The following TRDN variants were observed in gnomAD, a reference collection of about 807,000 sequenced individuals.
TRDN encodes triadin in skeletal muscle.
Under a neutral mutation model 149.7 loss-of-function variants are expected in TRDN, and 161 were observed. The observed-to-expected ratio is 1.08, with a 90% CI of 0.95 to 1.23. TRDN has a LOEUF of 1.23. TRDN is among the 50% of genes most tolerant of loss of function. The probability of loss-of-function intolerance (pLI) is 0.00; values close to 1 mark genes in which losing one functional copy is unlikely to be tolerated. For missense variants in TRDN, 896 were observed against 823.5 expected (o/e 1.09, Z -1.08); for synonymous variants, 294 against 250.5 (o/e 1.17, Z -1.64).
chr6:123,231,743 G>T lies in TRDN; in HGVS notation c.1976-7612C>A, dbSNP rs74319935. 2.0e-5 allele frequency among the ~76,000 whole-genome samples: 3 copies of T among 152,134 alleles called. No homozygotes were observed. In the South Asian group the frequency reaches 6.2e-4, roughly 32 times the overall value. The stretch of plus-strand genomic sequence containing the variant: ...AGAATGACAAGTCAGAAAAGGGCCT[G>T]CTGGGGAGTGAATGCAATGGTTTAG... On this transcript the variant is annotated intron_variant, in intron 38 of 40. Transcript: ENST00000334268.
At chr6:123,399,067 G>A (rs981189255) in intron 12 of TRDN, among the ~76,000 whole-genome samples, 15 of 151,860 alleles carry the variant, frequency 9.9e-5, no homozygotes, top group African/African-American at 3.1e-4. Flanking sequence ...ATTATTTCAC[G>A]GCTACTAAAA....
At chr6:123,306,591 T>C (rs1456119801) in intron 24 of TRDN, among the ~76,000 whole-genome samples, 2 of 152,128 alleles carry the variant, frequency 1.3e-5, no homozygotes, top group Admixed American at 6.6e-5. Flanking sequence ...ACCAGTTTTA[T>C]CTATAGCTTC....
Position 123,503,879 on chromosome 6 carries a change from T to C in TRDN, c.633A>G (p.Ala211=). The change falls in exon 8 of 41, where the codon GCA becomes GCG. Residue 211 remains alanine (A), a synonymous_variant. Coordinates refer to ENST00000334268, the MANE Select transcript of TRDN (RefSeq NM_006073.4). ...TTTTAGTCTTTTCTTCACTCTTTTC[T>C]GCAGTCTTAGCTTTCTTCTGTTCTG... is the stretch of plus-strand genomic sequence containing the variant. ...LAKEQKKAKT[A]EKSEEKTKKE... 2 of 1,571,874 alleles carry C rather than the reference T, an allele frequency of 1.3e-6. No homozygotes were observed. Among genetic ancestry groups the C allele is most frequent in the East Asian group, 2.3e-5 (1 of 43,362 alleles).
chr6:123,585,162 G>T (rs1216480211), intron 1 of TRDN, among the ~76,000 whole-genome samples: 1 of 149,310 alleles, frequency 6.7e-6, no homozygotes, highest in Non-Finnish European at 1.5e-5. Flanking sequence ...TACAAGAGGA[G>T]CACGCAAAGG....
intron 11 of TRDN, among the ~76,000 whole-genome samples, 169 bp from the exon 12 acceptor site, chr6:123,438,291 T>C (rs1774685422): frequency 6.6e-6 from 1 of 152,022 alleles, no homozygotes. Context: ...AACAGACTAG[T>C]GGCTTAGGTA....
chr6:123,512,418 T>C, intron 6 of TRDN, 56 bp from the exon 7 acceptor site: 1 of 1,093,694 alleles, frequency 9.1e-7, no homozygotes, highest in Non-Finnish European at 1.3e-6. Context: ...AAAACCAAGC[T>C]TTCTTTTGAC....
chr6:123,617,797 G>T (rs541045133), intron 1 of TRDN, among the ~76,000 whole-genome samples: 5 of 152,228 alleles, frequency 3.3e-5, no homozygotes, highest in Non-Finnish European at 5.9e-5. Context: ...GGAGTGAAGT[G>T]GTGCGATGTT....
intron 23 of TRDN, among the ~76,000 whole-genome samples, chr6:123,328,328 G>A (rs963261829): frequency 6.6e-6 from 1 of 152,166 alleles, no homozygotes; most frequent in African/African-American, 2.4e-5. Context: ...TTGGAACCAT[G>A]TACTGAAGAT....
At chr6:123,635,130 A>G (rs1418424491) in intron 1 of TRDN, among the ~76,000 whole-genome samples, 1 of 152,030 alleles carries the variant, frequency 6.6e-6, no homozygotes, top group East Asian at 1.9e-4. Context: ...GAAGATTAAG[A>G]CGCTCGTAGC....
At chr6:123,594,384 C>A (rs1436318591) in intron 1 of TRDN, among the ~76,000 whole-genome samples, 1 of 151,946 alleles carries the variant, frequency 6.6e-6, no homozygotes, top group Non-Finnish European at 1.5e-5. Context: ...TAATCCAGAC[C>A]AAGGCACTAA....
chr6:123,416,067 T>G (rs369185348), intron 12 of TRDN, among the ~76,000 whole-genome samples: 35 of 152,316 alleles, frequency 2.3e-4, no homozygotes, highest in African/African-American at 6.5e-4. Context: ...TATCCTTTTC[T>G]GAAGAGAATT....
At chr6:123,610,836 C>A (rs1784771217) in intron 1 of TRDN, among the ~76,000 whole-genome samples, 1 of 152,058 alleles carries the variant, frequency 6.6e-6, no homozygotes, top group African/African-American at 2.4e-5. Flanking sequence ...TATTTGAGCA[C>A]CAAAGTGGGA....
chr6:123,561,841 T>C (rs1782018744), intron 2 of TRDN, among the ~76,000 whole-genome samples: 1 of 152,026 alleles, frequency 6.6e-6, no homozygotes, highest in African/African-American at 2.4e-5. Flanking sequence ...CTGTGAAACA[T>C]CGCTCATTAT....
chr6:123,524,378 T>A (rs1294422917), intron 5 of TRDN, among the ~76,000 whole-genome samples: 1 of 134,762 alleles, frequency 7.4e-6, no homozygotes, highest in African/African-American at 2.6e-5. Context: ...AATATCAAAA[T>A]TAATTAACCA....
chr6:123,349,519 G>T (rs1780375467), intron 21 of TRDN: 1 of 898,432 alleles, frequency 1.1e-6, no homozygotes. Flanking sequence ...TCAACAGCAT[G>T]ACTTAGTCAA....
chr6:123,328,401 T>A (rs1779540346), intron 23 of TRDN, among the ~76,000 whole-genome samples: 1 of 152,160 alleles, frequency 6.6e-6, no homozygotes, highest in African/African-American at 2.4e-5. Flanking sequence ...TGCAAACCTA[T>A]CTTATTATTA....
chr6:123,315,683 A>G (rs1778996818), intron 24 of TRDN, among the ~76,000 whole-genome samples: 2 of 151,914 alleles, frequency 1.3e-5, no homozygotes, highest in African/African-American at 4.8e-5. Flanking sequence ...ATAAACATAT[A>G]AATCTCCTTA....
intron 1 of TRDN, among the ~76,000 whole-genome samples, chr6:123,574,888 A>C (rs1208739600): frequency 2.0e-5 from 2 of 99,270 alleles, no homozygotes; most frequent in Non-Finnish European, 3.9e-5. Context: ...ATATATATAT[A>C]TATATACACA....
intron 12 of TRDN, among the ~76,000 whole-genome samples, chr6:123,417,588 C>A (rs568523305): frequency 6.6e-6 from 1 of 152,268 alleles, no homozygotes; most frequent in Non-Finnish European, 1.5e-5. Context: ...AAAGAGGTTT[C>A]TTTTTTCCTC....
Sources: gnomAD v4.1 joint callset for allele counts (sites outside exome capture counted in the v4.1 genomes callset) on GRCh38, gnomAD v4.1.1 for gene constraint, MANE v1.5 for transcripts, NCBI Gene and HGNC (gene_info 2026-07-23, HGNC 2026-07-21) for gene names.